SLC38A9: variants seen among roughly 807,000 people sequenced by gnomAD.
SLC38A9 encodes solute carrier family 38 member 9.
In SLC38A9, 48 loss-of-function variants were observed where a neutral mutation model predicts 62.3. The ratio of observed to expected loss-of-function variants is 0.77; its 90% CI spans 0.61 to 0.98. The LOEUF (loss-of-function observed/expected upper bound fraction) is 0.98. SLC38A9 is among the 50% of genes least tolerant of loss of function. The pLI, the probability that SLC38A9 is intolerant of heterozygous loss-of-function variation, is 0.00. For missense variants in SLC38A9, 541 were observed against 679.8 expected (o/e 0.80, Z 2.27); for synonymous variants, 204 against 227.7 (o/e 0.90, Z 0.94).
intron 9 of SLC38A9, among the ~76,000 whole-genome samples, chr5:55,654,310 T>C (rs770613965): frequency 8.5e-5 from 13 of 152,328 alleles, no homozygotes; most frequent in Non-Finnish European, 1.5e-4. Context: ...GTGCTAATTA[T>C]AGTGGTTAAA....
chr5:55,683,967 T>C (rs1017588384), intron 3 of SLC38A9, among the ~76,000 whole-genome samples: 4 of 152,242 alleles, frequency 2.6e-5, no homozygotes, highest in African/African-American at 9.6e-5. Flanking sequence ...TACTTATACT[T>C]ACTCTAGTAC....
intron 15 of SLC38A9, 90 bp from the exon 16 acceptor site, chr5:55,626,749 A>T (rs1055601755): frequency 1.7e-6 from 2 of 1,172,026 alleles, no homozygotes; most frequent in African/African-American, 3.1e-5. Flanking sequence ...AATCCTCCTC[A>T]GTCTGATAGC....
At chr5:55,683,165 G>C (rs75114143) in intron 3 of SLC38A9, among the ~76,000 whole-genome samples, 1 of 152,116 alleles carries the variant, frequency 6.6e-6, no homozygotes, top group Non-Finnish European at 1.5e-5. Context: ...ACCTAAAAAC[G>C]TCATAGAAAA....
Position 55,635,650 on chromosome 5 carries a change from T to A in SLC38A9, c.1175A>T (p.Asp392Val), listed in dbSNP as rs1413830287. Reference sequence around the variant, plus strand: ...CACCAGCATATAAGCAATGCACAAGTCCCTCACCTGTAAATACAGAACAAA... The same window carrying A: ...CACCAGCATATAAGCAATGCACAAGACCCTCACCTGTAAATACAGAACAAA... Reference protein sequence around the residue: ...NNKKQENNVRDLCIAYMLVTL... With the variant: ...NNKKQENNVRVLCIAYMLVTL... The change falls in exon 13 of 16, where the codon GAC (aspartate) becomes GTC (valine). Residue 392 changes from aspartate (D) to valine (V), a missense_variant. Transcript: ENST00000396865. 1 of 1,610,492 alleles carries A rather than the reference T, an allele frequency of 6.2e-7. No homozygotes were observed. Among genetic ancestry groups the A allele is most frequent in the Admixed American group, 1.7e-5 (1 of 60,008 alleles).
intron 2 of SLC38A9, among the ~76,000 whole-genome samples, chr5:55,700,029 A>G (rs1756431572): frequency 6.6e-6 from 1 of 152,146 alleles, no homozygotes; most frequent in African/African-American, 2.4e-5. Context: ...AAGAGAATAA[A>G]CATTACAGGG....
At chr5:55,646,444 G>A (rs1746372302) in intron 11 of SLC38A9, among the ~76,000 whole-genome samples, 1 of 152,138 alleles carries the variant, frequency 6.6e-6, no homozygotes, top group African/African-American at 2.4e-5. Context: ...CTGGTATGGA[G>A]AAGGGCAGGA....
At chr5:55,634,616 C>T (rs1432272586) in intron 13 of SLC38A9, 1 of 152,090 alleles carries the variant, frequency 6.6e-6, no homozygotes, top group South Asian at 2.1e-4. Flanking sequence ...CATTTGGCTG[C>T]CAAAGAACTT....
chr5:55,711,580 C>T (rs946143781), intron 1 of SLC38A9, 81 bp from the exon 2 acceptor site: 1 of 152,170 alleles, frequency 6.6e-6, no homozygotes, highest in African/African-American at 2.4e-5. Flanking sequence ...GTCAAGCTAC[C>T]CACTATCAAC....
chr5:55,700,670 CATG>C (rs1756524825), intron 2 of SLC38A9, among the ~76,000 whole-genome samples: 1 of 152,180 alleles, frequency 6.6e-6, no homozygotes, highest in Non-Finnish European at 1.5e-5. Flanking sequence ...CTATGCTAAT[CATG>C]ATATCTTTCC....
intron 7 of SLC38A9, among the ~76,000 whole-genome samples, chr5:55,668,343 T>A (rs567807202): frequency 8.5e-5 from 13 of 152,232 alleles, no homozygotes; most frequent in Non-Finnish European, 1.6e-4. Flanking sequence ...TAAAATTATC[T>A]CCTCTTACCA....
chr5:55,628,566 G>C (rs73119725), intron 14 of SLC38A9, among the ~76,000 whole-genome samples: 7,436 of 152,128 alleles, frequency 0.049, 313 homozygotes, highest in African/African-American at 0.12. Context: ...GGATAACATT[G>C]CCTCTTTCTA....
chr5:55,671,774 G>A (rs1178318929), intron 4 of SLC38A9, among the ~76,000 whole-genome samples: 1 of 152,120 alleles, frequency 6.6e-6, no homozygotes, highest in Non-Finnish European at 1.5e-5. Flanking sequence ...CTGGAACCCA[G>A]GAGGCAGAGG....
intron 9 of SLC38A9, among the ~76,000 whole-genome samples, chr5:55,654,055 G>A (rs1220944796): frequency 6.6e-6 from 1 of 151,976 alleles, no homozygotes; most frequent in African/African-American, 2.4e-5. Context: ...TCACAGTAGA[G>A]CTTTTGCTAA....
chr5:55,635,170 T>C (rs1354838886), intron 13 of SLC38A9: 1 of 192,640 alleles, frequency 5.2e-6, no homozygotes, highest in African/African-American at 2.4e-5. Context: ...AAATAGGGAG[T>C]TCCTTCAATG....
intron 3 of SLC38A9, among the ~76,000 whole-genome samples, chr5:55,681,979 T>C (rs934061473): frequency 6.6e-6 from 1 of 152,118 alleles, no homozygotes; most frequent in Admixed American, 6.6e-5. Context: ...TACTAACGTG[T>C]CCTTTATAGA....
At chr5:55,649,179 T>C (rs1233887083) in intron 11 of SLC38A9, 28 bp downstream of exon 11, 2 of 1,283,336 alleles carry the variant, frequency 1.6e-6, no homozygotes, top group Non-Finnish European at 2.2e-6. Context: ...CACATTATTA[T>C]AATTTATTAT....
chr5:55,636,395 G>T (rs1343250787), intron 12 of SLC38A9, among the ~76,000 whole-genome samples: 1 of 152,182 alleles, frequency 6.6e-6, no homozygotes, highest in East Asian at 1.9e-4. Context: ...AATGTAGCCA[G>T]CTGTCAGATC....
intron 2 of SLC38A9, among the ~76,000 whole-genome samples, chr5:55,699,209 C>A (rs1333577636): frequency 6.6e-6 from 1 of 151,842 alleles, no homozygotes; most frequent in Non-Finnish European, 1.5e-5. Flanking sequence ...GAGCCAAGAT[C>A]GTGCCACTGC....
At chr5:55,709,372 C>T (rs13157872) in intron 2 of SLC38A9, among the ~76,000 whole-genome samples, 36 of 151,556 alleles carry the variant, frequency 2.4e-4, no homozygotes, top group Non-Finnish European at 4.1e-4. Flanking sequence ...CATTTTTAAC[C>T]TCTAAGTGAT....
Sources: allele counts gnomAD v4.1 joint callset (sites outside exome capture counted in the v4.1 genomes callset), GRCh38; gene constraint gnomAD v4.1.1; transcripts MANE v1.5; gene names NCBI Gene and HGNC (gene_info 2026-07-23, HGNC 2026-07-21).